STAU2: variants seen among roughly 807,000 people sequenced by gnomAD.
STAU2 encodes double-stranded RNA-binding protein Staufen homolog 2.
In STAU2, 20 loss-of-function variants were observed where a neutral mutation model predicts 65.9. That is an observed-to-expected ratio of 0.30 (90% confidence interval 0.21 to 0.44). The LOEUF is 0.44. STAU2 is among the 20% of genes least tolerant of loss of function. The pLI is 1.00. For synonymous variants in STAU2, 232 were observed against 233.9 expected (o/e 0.99, Z 0.07); for missense variants, 558 against 683.9 (o/e 0.82, Z 2.05).
chr8:73,635,192 C>T (rs959023642), intron 6 of STAU2, among the ~76,000 whole-genome samples: 10 of 152,162 alleles, frequency 6.6e-5, no homozygotes, highest in South Asian at 4.1e-4. Flanking sequence ...AAAGCAGTAA[C>T]CCTATTTCCA....
chr8:73,621,976 A>T (rs1813279379), intron 6 of STAU2, among the ~76,000 whole-genome samples: 1 of 132,438 alleles, frequency 7.6e-6, no homozygotes. Context: ...TTTTTTCCTG[A>T]GACGAAGTCT....
At chr8:73,551,110 T>C (rs1807305855) in intron 13 of STAU2, 1 of 987,376 alleles carries the variant, frequency 1.0e-6, no homozygotes, top group Admixed American at 6.1e-5. Context: ...TCCAGTCAAG[T>C]TAGCGGTTAC....
intron 13 of STAU2, among the ~76,000 whole-genome samples, chr8:73,438,711 G>C (rs1375918691): frequency 6.6e-6 from 1 of 152,202 alleles, no homozygotes; most frequent in East Asian, 1.9e-4. Context: ...ACTACCTTGG[G>C]CCAAATGTCA....
rs545106119 is a variant in STAU2, at chr8:73,610,095, G to A, written c.891+3649C>T. On this transcript the variant is annotated intron_variant, in intron 9 of 14. Transcript: ENST00000524300. The stretch of plus-strand genomic sequence containing the variant: ...GGAGTTTGAGACCTGCCTGCACAAC[G>A]TTGCAAAACCCTGTCTCTACAAAAA... Among the ~76,000 whole-genome samples the A allele has an allele frequency of 9.2e-5, 14 of 151,938 alleles. 1 individual carries two copies. In the East Asian group the frequency reaches 1.4e-3, roughly 15 times the overall value.
intron 9 of STAU2, among the ~76,000 whole-genome samples, chr8:73,610,404 G>A (rs1812361876): frequency 6.6e-6 from 1 of 151,980 alleles, no homozygotes; most frequent in Non-Finnish European, 1.5e-5. Flanking sequence ...TAGGTATGGT[G>A]GCACATGCCT....
chr8:73,560,331 C>T (rs1006882033), intron 12 of STAU2, among the ~76,000 whole-genome samples: 11 of 152,198 alleles, frequency 7.2e-5, no homozygotes, highest in East Asian at 1.9e-4. Flanking sequence ...CCGCCCACCT[C>T]GGCCTCCCAA....
At chr8:73,655,637 A>T (rs1388451375) in intron 6 of STAU2, among the ~76,000 whole-genome samples, 3 of 141,172 alleles carry the variant, frequency 2.1e-5, no homozygotes, top group Non-Finnish European at 4.6e-5. Flanking sequence ...ATTTTAATAC[A>T]TCTTTTTTTT....
chr8:73,721,265 G>T (rs79862074), intron 3 of STAU2, among the ~76,000 whole-genome samples: 857 of 65,476 alleles, frequency 0.013, 2 homozygotes, highest in African/African-American at 0.051. Flanking sequence ...ACTACAGCGT[G>T]AACAAAGCAA....
Position 73,698,686 on chromosome 8 carries a change from A to T in STAU2, c.115-9873T>A, listed in dbSNP as rs139511662. ...TATTATTAGACCTAAAGAGAAAGAC[A>T]GACCCCAATACAATAACAGCTGGAG... On this transcript the variant is annotated intron_variant, in intron 4 of 14. Coordinates refer to ENST00000524300, the MANE Select transcript of STAU2 (RefSeq NM_001164380.2). Among the ~76,000 whole-genome samples the T allele has an allele frequency of 4.3e-3, 654 of 152,320 alleles. 6 individuals are homozygous for T. The highest frequency in any genetic ancestry group is 0.015 in the African/African-American group (617 of 41,562).
chr8:73,435,568 C>T (rs1026615208), intron 13 of STAU2, among the ~76,000 whole-genome samples: 16 of 151,840 alleles, frequency 1.1e-4, no homozygotes, highest in Non-Finnish European at 1.6e-4. Context: ...TTGGGCTCTG[C>T]GGCCAAAATG....
intron 13 of STAU2, among the ~76,000 whole-genome samples, chr8:73,513,183 G>GT (rs1453625010): frequency 6.6e-6 from 1 of 152,072 alleles, no homozygotes; most frequent in African/African-American, 2.4e-5. Context: ...TCTTGCTGTG[G>GT]TTTTCTTTTT....
intron 6 of STAU2, among the ~76,000 whole-genome samples, chr8:73,654,651 A>AAAAAAAAAAAAAAAAAAAAAAAAAAAAT (rs1816173492): frequency 7.1e-6 from 1 of 140,494 alleles, no homozygotes; most frequent in Non-Finnish European, 1.6e-5. Flanking sequence ...AAAAAAAAAA[A>AAAAAAAAAAAAAAAAAAAAAAAAAAAAT]AAAAAAAAAA....
At chr8:73,701,849 A>T (rs1428072682) in intron 4 of STAU2, among the ~76,000 whole-genome samples, 1 of 152,198 alleles carries the variant, frequency 6.6e-6, no homozygotes, top group Non-Finnish European at 1.5e-5. Context: ...CAATAGATGA[A>T]TGGATAAAGA....
At chr8:73,724,024 C>T (rs886187782) in intron 3 of STAU2, among the ~76,000 whole-genome samples, 2 of 152,080 alleles carry the variant, frequency 1.3e-5, no homozygotes, top group Middle Eastern at 3.2e-3. Context: ...TTTACTAGTT[C>T]GCTCCAGAGC....
intron 7 of STAU2, 112 bp from the exon 8 acceptor site, chr8:73,615,894 T>G: frequency 2.6e-6 from 2 of 757,004 alleles, no homozygotes; most frequent in Non-Finnish European, 4.4e-6. Flanking sequence ...ACAAACTATA[T>G]AGACTGTATC....
At chr8:73,543,007 TG>T (rs1806651264) in intron 13 of STAU2, among the ~76,000 whole-genome samples, 1 of 152,182 alleles carries the variant, frequency 6.6e-6, no homozygotes, top group Non-Finnish European at 1.5e-5. Context: ...TTATTTATAA[TG>T]GCCCCAAAGT....
intron 13 of STAU2, among the ~76,000 whole-genome samples, chr8:73,546,130 T>TC (rs1354309532): frequency 2.2e-5 from 3 of 134,554 alleles, no homozygotes; most frequent in African/African-American, 8.4e-5. Context: ...TTTCTTTTTT[T>TC]TTTTTTTTTT....
intron 9 of STAU2, among the ~76,000 whole-genome samples, chr8:73,605,889 ACAC>A: frequency 7.5e-6 from 1 of 134,212 alleles, no homozygotes; most frequent in South Asian, 2.3e-4. Flanking sequence ...ACACACACAC[ACAC>A]ACACACACAC....
intron 4 of STAU2, among the ~76,000 whole-genome samples, chr8:73,703,911 C>T (rs1438455619): frequency 6.6e-6 from 1 of 152,178 alleles, no homozygotes; most frequent in Non-Finnish European, 1.5e-5. Context: ...ATACTTTTGG[C>T]ATGGGTTAAA....
Sources: gnomAD v4.1 joint callset for allele counts (sites outside exome capture counted in the v4.1 genomes callset) on GRCh38, gnomAD v4.1.1 for gene constraint, MANE v1.5 for transcripts, NCBI Gene and HGNC (gene_info 2026-07-23, HGNC 2026-07-21) for gene names.